Variants in DPRX observed in about 807,000 individuals in gnomAD.
The protein encoded by DPRX is divergent-paired related homeobox.
In DPRX, 11 loss-of-function variants were observed where a neutral mutation model predicts 8.4. The observed-to-expected ratio is 1.31, with a 90% confidence interval of 0.82 to 2.17. DPRX has a LOEUF of 2.17. DPRX is among the 30% of genes most tolerant of loss of function. DPRX has a pLI of 0.00. For synonymous variants in DPRX, 72 were observed against 87.0 expected, an observed-to-expected ratio of 0.83 and a Z score of 0.96; for missense variants, 211 against 236.7, an observed-to-expected ratio of 0.89 and a Z score of 0.71.
chr19:53,624,840 A>G, the DPRX span, among the ~76,000 whole-genome samples: 2 of 144,390 alleles, frequency 1.4e-5, no homozygotes, highest in Non-Finnish European at 3.1e-5. Context: ...AAAAAAAAAA[A>G]AAAAGAAAGA....
chr19:53,627,796 C>T (rs1007620548), upstream of DPRX, among the ~76,000 whole-genome samples: 2 of 150,712 alleles, frequency 1.3e-5, no homozygotes, highest in African/African-American at 4.9e-5. Context: ...CACGCCTGTA[C>T]TCCCAGCACT....
chr19:53,629,306 A>C (rs1350312713), upstream of DPRX, among the ~76,000 whole-genome samples: 2 of 101,666 alleles, frequency 2.0e-5, no homozygotes, highest in African/African-American at 7.6e-5. Context: ...ACAGAGCAAG[A>C]CTCTGTCTCA....
chr19:53,617,246 G>A, the DPRX span: 1 of 773,728 alleles, frequency 1.3e-6, no homozygotes, highest in Admixed American at 1.7e-5. Flanking sequence ...CGGGCTCTCT[G>A]ATGGGTTAGA....
At chr19:53,605,099 A>G in the DPRX span, among the ~76,000 whole-genome samples, 1 of 152,044 alleles carries the variant, frequency 6.6e-6, no homozygotes, top group African/African-American at 2.4e-5. Context: ...GGACTGCTTG[A>G]GCCCAGAGGT....
the DPRX span, among the ~76,000 whole-genome samples, chr19:53,620,480 A>G: frequency 6.6e-6 from 1 of 151,494 alleles, no homozygotes; most frequent in Non-Finnish European, 1.5e-5. Context: ...CTCCTGCCTC[A>G]GCCTCCTGAG....
the DPRX span, among the ~76,000 whole-genome samples, chr19:53,624,656 C>T: frequency 2.0e-5 from 3 of 151,818 alleles, no homozygotes; most frequent in Non-Finnish European, 4.4e-5. Context: ...CACAAGTGAT[C>T]CACCTGCCTT....
At chr19:53,616,886 C>T in the DPRX span, 309 of 1,545,496 alleles carry the variant, frequency 2.0e-4, 1 homozygote, top group Admixed American at 2.0e-3. Flanking sequence ...CTGCACATGC[C>T]GTTGGCCATG....
chr19:53,603,945 C>T, the DPRX span, among the ~76,000 whole-genome samples: 4 of 152,038 alleles, frequency 2.6e-5, no homozygotes, highest in African/African-American at 9.6e-5. Context: ...CAGGTTTCAC[C>T]ATGTTGGCCA....
the DPRX span, chr19:53,601,986 A>C: frequency 2.2e-6 from 1 of 455,472 alleles, no homozygotes; most frequent in South Asian, 1.6e-5. Flanking sequence ...TGGGGACATA[A>C]GGCCACCTAC....
At chr19:53,603,592 C>T in the DPRX span, 2 of 340,778 alleles carry the variant, frequency 5.9e-6, no homozygotes, top group East Asian at 1.5e-4. Context: ...GGTCCCTGTT[C>T]ATCCAACATC....
Position 53,632,498 on chromosome 19 carries a change from C to CG in DPRX, c.28+369dup, listed in dbSNP as rs750784982. 1.8e-3 allele frequency among the ~76,000 whole-genome samples: 269 copies of CG among 151,368 alleles called. 1 individual carries two copies. The highest frequency in any genetic ancestry group is 3.1e-3 in the Non-Finnish European group (210 of 67,912). On this transcript the variant is annotated intron_variant, in intron 1 of 2. Coordinates refer to ENST00000376650, the Ensembl canonical transcript of DPRX. Reference sequence around the variant, plus strand: ...TTTTTTTTTGTATTTTTAGTAGAGCCGGGGGTTTCACCATATTGACCAGGC... The same window carrying CG: ...TTTTTTTTTGTATTTTTAGTAGAGCCGGGGGGTTTCACCATATTGACCAGGC...
At chr19:53,618,551 G>A in the DPRX span, among the ~76,000 whole-genome samples, 7 of 148,612 alleles carry the variant, frequency 4.7e-5, no homozygotes, top group East Asian at 2.0e-4. Flanking sequence ...TGGGTGGATC[G>A]CTTGAACCAA....
chr19:53,605,886 C>G, the DPRX span, among the ~76,000 whole-genome samples: 3 of 151,866 alleles, frequency 2.0e-5, no homozygotes, highest in Admixed American at 2.0e-4. Context: ...CCAGGGTGGT[C>G]TTGAACTCCT....
the DPRX span, among the ~76,000 whole-genome samples, chr19:53,601,737 C>A: frequency 6.6e-6 from 1 of 152,234 alleles, no homozygotes; most frequent in Non-Finnish European, 1.5e-5. Context: ...CCGCCTTGGC[C>A]TCCCAAAGTG....
At chr19:53,617,561 CAA>C in the DPRX span, among the ~76,000 whole-genome samples, 3 of 103,716 alleles carry the variant, frequency 2.9e-5, no homozygotes, top group Non-Finnish European at 5.7e-5. Context: ...TCCGTCTCAC[CAA>C]AAAAAAAAAA....
the DPRX span, among the ~76,000 whole-genome samples, chr19:53,625,102 G>A: frequency 4.4e-5 from 6 of 136,552 alleles, no homozygotes; most frequent in Admixed American, 2.5e-4. Flanking sequence ...TCGCTCTGTC[G>A]CCCAGCCTAG....
At chr19:53,635,318 A>G (rs2091108134) in intron 2 of DPRX, among the ~76,000 whole-genome samples, 1 of 151,914 alleles carries the variant, frequency 6.6e-6, no homozygotes, top group African/African-American at 2.4e-5. Flanking sequence ...CCTGAAGTTT[A>G]TACAATTTTC....
rs551983011 is a variant in DPRX, at chr19:53,636,585, C to T, written c.184-11C>T. On this transcript the variant is annotated splice_polypyrimidine_tract_variant and intron_variant, in intron 2 of 2. Transcript: ENST00000376650. ...AATTCCACCCCATTCTCTTCTCTCT[C>T]TTCCCTTCAGGTCTGGTTCAAGAAT... The T allele has an allele frequency of 7.4e-5, 116 of 1,575,736 alleles. 1 individual carries two copies. In the South Asian group the frequency reaches 1.1e-3, roughly 15 times the overall value.
chr19:53,623,638 CA>C, the DPRX span, among the ~76,000 whole-genome samples: 4 of 142,986 alleles, frequency 2.8e-5, no homozygotes, highest in African/African-American at 1.0e-4. Context: ...AACTCCATCT[CA>C]AAAAAAACAA....
Sources: gnomAD v4.1 joint callset for allele counts (sites outside exome capture counted in the v4.1 genomes callset) on GRCh38, gnomAD v4.1.1 for gene constraint, MANE v1.5 for transcripts, NCBI Gene and HGNC (gene_info 2026-07-23, HGNC 2026-07-21) for gene names.